Variants in CD163L1 observed in about 807,000 individuals in gnomAD.
CD163L1 encodes scavenger receptor cysteine-rich type 1 protein M160.
In CD163L1, 124 loss-of-function variants were observed where a neutral mutation model predicts 165.4. That is an observed-to-expected ratio of 0.75 (90% CI 0.65 to 0.87). The LOEUF (loss-of-function observed/expected upper bound fraction) is 0.87. CD163L1 is among the 40% of genes least tolerant of loss of function. The probability of loss-of-function intolerance (pLI) is 0.00; values close to 1 mark genes in which losing one functional copy is unlikely to be tolerated. For missense variants in CD163L1, 1,525 were observed against 1,799.9 expected (o/e 0.85, Z 2.76); for synonymous variants, 585 against 662.2 (o/e 0.88, Z 1.79).
chr12:7,430,359 C>A (rs1391534769), intron 4 of CD163L1, among the ~76,000 whole-genome samples: 1 of 152,128 alleles, frequency 6.6e-6, no homozygotes, highest in Non-Finnish European at 1.5e-5. Flanking sequence ...AGAGACAGAT[C>A]ACTTAGAAAT....
At chr12:7,321,179 A>C in the CD163L1 span, among the ~76,000 whole-genome samples, 15 of 151,620 alleles carry the variant, frequency 9.9e-5, no homozygotes, top group Non-Finnish European at 2.1e-4. Context: ...ACTCCCACTC[A>C]AAAAAAAATT....
At chr12:7,380,933 G>A (rs1947393569) in intron 8 of CD163L1, among the ~76,000 whole-genome samples, 2 of 152,044 alleles carry the variant, frequency 1.3e-5, no homozygotes, top group Admixed American at 1.3e-4. Context: ...TCTTTTTAGG[G>A]CAGTTTGGTA....
At chr12:7,430,619 C>T (rs1235537139) in intron 4 of CD163L1, among the ~76,000 whole-genome samples, 1 of 151,832 alleles carries the variant, frequency 6.6e-6, no homozygotes, top group African/African-American at 2.4e-5. Flanking sequence ...TGAGAGAAGG[C>T]GGGAAATTAA....
intron 8 of CD163L1, 64 bp downstream of exon 8, chr12:7,396,027 GAAGA>G: frequency 1.5e-6 from 2 of 1,305,190 alleles, no homozygotes; most frequent in Non-Finnish European, 2.1e-6. Flanking sequence ...TACTGACTAA[GAAGA>G]AAGAAGGTAT....
intron 2 of CD163L1, among the ~76,000 whole-genome samples, chr12:7,437,660 T>C (rs1284297835): frequency 6.7e-6 from 1 of 148,944 alleles, no homozygotes; most frequent in African/African-American, 2.5e-5. Context: ...ACAAAGGGCA[T>C]GAACTCATCC....
At chr12:7,324,149 CTG>C in the CD163L1 span, 1 of 1,171,002 alleles carries the variant, frequency 8.5e-7, no homozygotes, top group Non-Finnish European at 1.2e-6. Context: ...GAGAGAGACT[CTG>C]TCTCAAAAAA....
chr12:7,322,620 C>A, the CD163L1 span: 1 of 1,493,640 alleles, frequency 6.7e-7, no homozygotes, highest in Non-Finnish European at 8.9e-7. Context: ...CCCTGAAGTG[C>A]CCCCATCCCA....
chr12:7,374,701 C>T lies in CD163L1; in HGVS notation c.3150G>A (p.Glu1050=), dbSNP rs756400210. 1 of 1,614,190 alleles carries T rather than the reference C, an allele frequency of 6.2e-7. No homozygotes were observed. The highest frequency in any genetic ancestry group is 8.5e-7 in the Non-Finnish European group (1 of 1,180,004). Residue 1050 remains glutamate, a synonymous_variant, in exon 13 of 20, where the codon GAG becomes GAA. Transcript: ENST00000313599. This position sits in a 1 kb window ranked among gnomAD's most constrained non-coding sequence, Gnocchi z 5.4. ...DGDSRCAGRV[E]IYHDGFWGTI... ...TGCCCCAGAAGCCGTCGTGATAGAT[C>T]TCTACTCTCCCGGCACAGCGGCTGT...
At chr12:7,417,072 T>G (rs1948257348) in intron 4 of CD163L1, among the ~76,000 whole-genome samples, 1 of 152,190 alleles carries the variant, frequency 6.6e-6, no homozygotes, top group Non-Finnish European at 1.5e-5. Context: ...TTTCCATGTT[T>G]GTGTCCTCTC....
At chr12:7,431,272 C>T (rs527345391) in intron 4 of CD163L1, among the ~76,000 whole-genome samples, 1 of 151,820 alleles carries the variant, frequency 6.6e-6, no homozygotes, top group Non-Finnish European at 1.5e-5. Context: ...AATACTGTAG[C>T]CGGGCGTGGT....
At chr12:7,356,497 T>C (rs1410694905) in intron 19 of CD163L1, among the ~76,000 whole-genome samples, 2 of 152,150 alleles carry the variant, frequency 1.3e-5, no homozygotes, top group South Asian at 2.1e-4. Context: ...TATTCCATAA[T>C]AAAAATCAGG....
chr12:7,362,341 ATATAT>A (rs1480598909), intron 18 of CD163L1, among the ~76,000 whole-genome samples: 5 of 138,188 alleles, frequency 3.6e-5, no homozygotes, highest in Admixed American at 7.4e-5. Flanking sequence ...AAAATATGAA[ATATAT>A]TATAATATAA....
chr12:7,371,333 ACT>A (rs1565777412), intron 14 of CD163L1, among the ~76,000 whole-genome samples: 1 of 152,236 alleles, frequency 6.6e-6, no homozygotes, highest in Admixed American at 6.5e-5. Context: ...TTAACAAATT[ACT>A]ACCCAAAATA....
chr12:7,321,394 G>A, the CD163L1 span, among the ~76,000 whole-genome samples: 2 of 152,172 alleles, frequency 1.3e-5, no homozygotes, highest in Non-Finnish European at 2.9e-5. Flanking sequence ...GGAGAGAAAG[G>A]AATAGAGGAG....
At chr12:7,350,389 C>T (rs116398882), downstream of CD163L1, among the ~76,000 whole-genome samples, 677 of 152,222 alleles carry the variant, frequency 4.4e-3, 2 homozygotes, top group African/African-American at 0.015. Context: ...CTTTTCTAGT[C>T]CCAAATGCAA....
chr12:7,391,476 A>G (rs1947652685), intron 8 of CD163L1, among the ~76,000 whole-genome samples: 1 of 152,214 alleles, frequency 6.6e-6, no homozygotes, highest in Admixed American at 6.5e-5. Context: ...AACCTTGAAA[A>G]AAGGTTAGAC....
At chr12:7,429,525 T>C (rs898077961) in intron 4 of CD163L1, among the ~76,000 whole-genome samples, 1 of 152,106 alleles carries the variant, frequency 6.6e-6, no homozygotes, top group African/African-American at 2.4e-5. Context: ...TCCAACACTC[T>C]TAGCATCTTT....
the CD163L1 span, among the ~76,000 whole-genome samples, chr12:7,331,399 G>T: frequency 6.6e-6 from 1 of 152,244 alleles, no homozygotes; most frequent in African/African-American, 2.4e-5. Flanking sequence ...AACCTCTGCA[G>T]ACTTAAATCC....
chr12:7,331,180 G>C, the CD163L1 span, among the ~76,000 whole-genome samples: 1 of 152,210 alleles, frequency 6.6e-6, no homozygotes, highest in Non-Finnish European at 1.5e-5. Flanking sequence ...ACAGAGCCTC[G>C]CTCATTGCTA....
Sources: allele counts gnomAD v4.1 joint callset (sites outside exome capture counted in the v4.1 genomes callset), GRCh38; gene constraint gnomAD v4.1.1; non-coding constraint Gnocchi (gnomAD v3.1); transcripts MANE v1.5; gene names NCBI Gene and HGNC (gene_info 2026-07-23, HGNC 2026-07-21).